Variants in STPG2 observed in about 807,000 individuals in gnomAD.
The protein encoded by STPG2 is sperm-tail PG-rich repeat-containing protein 2.
Under a neutral mutation model 54.2 loss-of-function variants are expected in STPG2, and 56 were observed. That is an observed-to-expected ratio of 1.03 (90% confidence interval 0.83 to 1.29). The LOEUF (loss-of-function observed/expected upper bound fraction) is 1.29, where lower values mean the gene tolerates loss of function less well. Ranked by LOEUF, STPG2 falls within the 50% of genes most tolerant of loss-of-function variation. The pLI is 0.00. For missense variants in STPG2, 596 were observed against 544.9 expected, an observed-to-expected ratio of 1.09 and a Z score of -0.93; for synonymous variants, 200 against 181.8, an observed-to-expected ratio of 1.10 and a Z score of -0.81.
chr4:98,092,627 T>C (rs17484890), intron 5 of STPG2, among the ~76,000 whole-genome samples: 59,462 of 151,882 alleles, frequency 0.39, 11,873 homozygotes, highest in Middle Eastern at 0.46. Context: ...TATTAACCTG[T>C]TTAGCATAAT....
intron 5 of STPG2, among the ~76,000 whole-genome samples, chr4:98,017,542 G>C (rs1407353060): frequency 6.6e-6 from 1 of 152,210 alleles, no homozygotes; most frequent in African/African-American, 2.4e-5. Context: ...CCAGTAATGT[G>C]AAACTGTCCT....
chr4:97,630,420 AT>A (rs901010341), intron 10 of STPG2, among the ~76,000 whole-genome samples: 5 of 151,956 alleles, frequency 3.3e-5, no homozygotes, highest in African/African-American at 7.2e-5. Flanking sequence ...AATCAGATCA[AT>A]TTTTTTAAAC....
chr4:98,021,009 T>G lies in STPG2; in HGVS notation c.613-39691A>C, dbSNP rs1051561686. ...AATTCTTTGAAGGGTTTTTTGTGTC[T>G]TTGTTTAATTCAGTTCTGCTCTGAT... On this transcript the variant is annotated intron_variant, in intron 5 of 10. Transcript: ENST00000295268. 1.8e-4 allele frequency among the ~76,000 whole-genome samples: 27 copies of G among 152,206 alleles called. 1 individual carries two copies. The highest frequency in any genetic ancestry group is 6.5e-4 in the African/African-American group (27 of 41,452).
In STPG2 at chr4:98,128,477, G is replaced by A. The variant is rs1321918151; in HGVS notation, c.338C>T (p.Pro113Leu). Residue 113 changes from proline (P) to leucine (L), a missense_variant, in exon 3 of 11, where the codon CCA becomes CTA. Physicochemically the swap from Pro to Leu is moderately conservative, Grantham distance 98 (BLOSUM62 -3). Transcript: ENST00000295268. Reference sequence around the variant, plus strand: ...ACCAAGTGTACTGTCACAAGCAGGTGGAAAACATTTTATAATACTGCCATC... The same window carrying A: ...ACCAAGTGTACTGTCACAAGCAGGTAGAAAACATTTTATAATACTGCCATC... ...NDDGSIIKCF[P>L]PACDSTLGPA... 4.3e-6 allele frequency: 7 copies of A among 1,613,314 alleles called. No individual in the cohort carries two copies. In the Admixed American group the frequency reaches 6.7e-5, roughly 15 times the overall value.
downstream of STPG2, among the ~76,000 whole-genome samples, chr4:97,557,933 C>T (rs1416624056): frequency 6.6e-6 from 1 of 152,144 alleles, no homozygotes; most frequent in Non-Finnish European, 1.5e-5. Context: ...GAAACAAGAG[C>T]AAAGTGACAT....
chr4:97,856,073 C>CTATACTTT (rs1729325111), intron 8 of STPG2, among the ~76,000 whole-genome samples: 1 of 151,928 alleles, frequency 6.6e-6, no homozygotes, highest in South Asian at 2.1e-4. Flanking sequence ...ACTGTAGCCC[C>CTATACTTT]GGACTATAGT....
Position 97,795,632 on chromosome 4 carries a change from C to T in STPG2, c.1204+45141G>A, listed in dbSNP as rs558010016. Among the ~76,000 whole-genome samples the T allele has an allele frequency of 1.2e-4, 18 of 152,316 alleles. No individual in the cohort carries two copies. The South Asian group carries it at 3.7e-3, about 32-fold the overall frequency. ...CATTTGGATGGGTTCCAAGTCTTTG[C>T]TATTGTGAATAGTGCCACAATAAAC... On this transcript the variant is annotated intron_variant, in intron 9 of 10. Transcript: ENST00000295268.
At chr4:97,843,106 T>C (rs1010553229) in intron 8 of STPG2, among the ~76,000 whole-genome samples, 3 of 151,858 alleles carry the variant, frequency 2.0e-5, no homozygotes, top group South Asian at 2.1e-4. Flanking sequence ...CGATTCTTTA[T>C]ACATCATAGA....
intron 9 of STPG2, among the ~76,000 whole-genome samples, chr4:97,744,924 T>C (rs1476497482): frequency 6.6e-6 from 1 of 151,392 alleles, no homozygotes; most frequent in African/African-American, 2.4e-5. Flanking sequence ...AGTAAATTTC[T>C]TTCTCTTCTT....
chr4:97,948,749 T>C (rs1181320840), intron 7 of STPG2, among the ~76,000 whole-genome samples: 4 of 152,032 alleles, frequency 2.6e-5, no homozygotes, highest in Non-Finnish European at 4.4e-5. Context: ...TTGATTTCTA[T>C]TTGTATTCTG....
chr4:97,963,320 C>G (rs1239479810), intron 7 of STPG2, among the ~76,000 whole-genome samples: 2 of 151,918 alleles, frequency 1.3e-5, no homozygotes, highest in African/African-American at 4.8e-5. Flanking sequence ...ATACTTATAT[C>G]AGCACTTAAA....
At chr4:97,858,431 T>G (rs1729400138) in intron 8 of STPG2, among the ~76,000 whole-genome samples, 2 of 152,176 alleles carry the variant, frequency 1.3e-5, no homozygotes. Flanking sequence ...TCAATAGTTT[T>G]GGAGAAACAG....
At chr4:97,525,519 T>G (rs1731263368) in intron 4 of STPG2, among the ~76,000 whole-genome samples, 1 of 151,992 alleles carries the variant, frequency 6.6e-6, no homozygotes, top group Admixed American at 6.6e-5. Flanking sequence ...GAAGCTGACT[T>G]ACAAGCAAAT....
chr4:97,555,484 A>C (rs1341084551), downstream of STPG2, among the ~76,000 whole-genome samples: 1 of 152,154 alleles, frequency 6.6e-6, no homozygotes, highest in African/African-American at 2.4e-5. Flanking sequence ...CTATAAGATT[A>C]ATTACCATGT....
intron 4 of STPG2, among the ~76,000 whole-genome samples, chr4:97,495,882 C>A (rs1433073908): frequency 6.6e-6 from 1 of 151,458 alleles, no homozygotes; most frequent in African/African-American, 2.4e-5. Context: ...CTGTATATAT[C>A]AGTAAGTAGC....
At position 98,109,271 on chromosome 4, in the gene STPG2, ATACCTTTG is replaced by A; in HGVS notation, c.414_421del (p.Lys139ThrfsTer13). ...TCTTCCTGAAGAGTTGCCAAAATGTATACCTTTGTATTTCAAAGTTGCATTGGAAACAT... is the reference window on the plus strand; with the variant it reads ...TCTTCCTGAAGAGTTGCCAAAATGTATATTTCAAAGTTGCATTGGAAACAT... On this transcript the variant is annotated frameshift_variant, in exon 4 of 11. Transcript: ENST00000295268. LOFTEE classifies it high-confidence loss of function. The A allele has an allele frequency of 1.2e-6, 2 of 1,609,622 alleles. No homozygotes were observed. Among genetic ancestry groups the A allele is most frequent in the Non-Finnish European group, 1.7e-6 (2 of 1,177,846 alleles).
chr4:97,860,274 G>T (rs902024389), intron 8 of STPG2, among the ~76,000 whole-genome samples: 2 of 151,964 alleles, frequency 1.3e-5, no homozygotes, highest in Non-Finnish European at 2.9e-5. Flanking sequence ...AATCATGATG[G>T]TACTTTTATG....
intron 4 of STPG2, chr4:97,463,553 G>GA (rs1729718273): frequency 6.6e-6 from 1 of 152,056 alleles, no homozygotes; most frequent in Non-Finnish European, 1.5e-5. Flanking sequence ...AGGTCCAAGC[G>GA]ATTCTCCTGT....
At chr4:97,930,751 C>T (rs1220029352) in intron 8 of STPG2, among the ~76,000 whole-genome samples, 1 of 149,150 alleles carries the variant, frequency 6.7e-6, no homozygotes, top group African/African-American at 2.4e-5. Context: ...AGCATTGAAT[C>T]CACAAATTGC....
Sources: allele counts gnomAD v4.1 joint callset (sites outside exome capture counted in the v4.1 genomes callset), GRCh38; gene constraint gnomAD v4.1.1; transcripts MANE v1.5; gene names NCBI Gene and HGNC (gene_info 2026-07-23, HGNC 2026-07-21).